The following PIK3CD variants were observed in gnomAD, a reference collection of about 807,000 sequenced individuals.
PIK3CD encodes phosphatidylinositol 4,5-bisphosphate 3-kinase catalytic subunit delta isoform.
A neutral mutation model predicts 122.9 loss-of-function variants in PIK3CD; 20 were observed. The ratio of observed to expected loss-of-function variants is 0.16; its 90% CI spans 0.11 to 0.24. The LOEUF (loss-of-function observed/expected upper bound fraction) is 0.24, where lower values mean the gene tolerates loss of function less well. PIK3CD is among the 10% of genes least tolerant of loss of function. The probability of loss-of-function intolerance (pLI) is 1.00; values close to 1 mark genes in which losing one functional copy is unlikely to be tolerated. For synonymous variants in PIK3CD, 596 were observed against 593.4 expected (o/e 1.00, Z -0.06); for missense variants, 787 against 1,406.3 (o/e 0.56, Z 7.04).
At chr1:9,669,991 T>C (rs1040678899) in intron 1 of PIK3CD, among the ~76,000 whole-genome samples, 1 of 151,960 alleles carries the variant, frequency 6.6e-6, no homozygotes, top group African/African-American at 2.4e-5. Flanking sequence ...CTGGCCAACA[T>C]GGTGAAACCC....
chr1:9,717,560 C>T lies in PIK3CD; in HGVS notation c.954C>T (p.Ser318=). The T allele has an allele frequency of 6.2e-7, 1 of 1,614,082 alleles. No homozygotes were observed. Among genetic ancestry groups the T allele is most frequent in the South Asian group, 1.1e-5 (1 of 91,084 alleles). ...AGCCTTCCTCTGTGTCCCTGTGGTC[C>T]CTGGAGCAGCCGTTCCGCATCGAGC... The part of the protein sequence containing the change: ...AKKPSSVSLW[S]LEQPFRIELI... The change falls in exon 8 of 24, where the codon TCC becomes TCT. Residue 318 remains serine (S), a synonymous_variant. Coordinates refer to ENST00000377346, the MANE Select transcript of PIK3CD (RefSeq NM_005026.5). The surrounding 1 kb of genome is among the most constrained non-coding windows in gnomAD (Gnocchi z 5.4).
At chr1:9,633,469 A>G in the PIK3CD span, among the ~76,000 whole-genome samples, 1 of 151,920 alleles carries the variant, frequency 6.6e-6, no homozygotes, top group African/African-American at 2.4e-5. Flanking sequence ...CACCACGCCC[A>G]GCTAATTTTT....
the PIK3CD span, among the ~76,000 whole-genome samples, chr1:9,629,858 C>T: frequency 3.3e-5 from 5 of 152,010 alleles, no homozygotes; most frequent in South Asian, 4.1e-4. Context: ...TCTGCACCCT[C>T]GCTCTCCACT....
intron 15 of PIK3CD, 51 bp downstream of exon 15, chr1:9,721,638 C>T: frequency 6.2e-7 from 1 of 1,610,576 alleles, no homozygotes; most frequent in Non-Finnish European, 8.5e-7. Context: ...CCCTGAGTCT[C>T]CCTGGAAGGC....
intron 1 of PIK3CD, among the ~76,000 whole-genome samples, chr1:9,681,972 A>G (rs1645772522): frequency 1.3e-5 from 2 of 152,318 alleles, no homozygotes; most frequent in East Asian, 1.9e-4. Context: ...TGGACCAGCT[A>G]TGAGTTCTCT....
rs569024188 is a variant in PIK3CD, at chr1:9,664,210, G to A, written c.-138+12408G>A. Among the ~76,000 whole-genome samples the A allele has an allele frequency of 2.2e-4, 34 of 151,972 alleles. No homozygotes were observed. The East Asian group carries it at 3.7e-3, about 16-fold the overall frequency. On this transcript the variant is annotated intron_variant, in intron 1 of 23. Coordinates refer to ENST00000377346, the MANE Select transcript of PIK3CD (RefSeq NM_005026.5). ...ACTACAGGCAGACATCACCATGCTC[G>A]GCTAATTTGTGTATTTTTAGTAGAG...
At chr1:9,666,858 T>G (rs918430858) in intron 1 of PIK3CD, among the ~76,000 whole-genome samples, 3 of 149,822 alleles carry the variant, frequency 2.0e-5, no homozygotes, top group African/African-American at 7.4e-5. Flanking sequence ...TGCGCCACCA[T>G]GCCTGCTATT....
the PIK3CD span, among the ~76,000 whole-genome samples, chr1:9,638,528 T>G: frequency 9.2e-5 from 14 of 151,632 alleles, no homozygotes; most frequent in Middle Eastern, 3.2e-3. Flanking sequence ...GTCAGGAGAT[T>G]GAGACCATCC....
At chr1:9,716,837 A>AG in intron 6 of PIK3CD, 122 bp from the exon 7 acceptor site, 1 of 1,404,430 alleles carries the variant, frequency 7.1e-7, no homozygotes, top group Non-Finnish European at 1.0e-6. Context: ...ACCAGCAGGA[A>AG]GCCCTCCCCT....
chr1:9,719,906 C>T lies in PIK3CD; in HGVS notation c.1243-15C>T. On this transcript the variant is annotated splice_polypyrimidine_tract_variant and intron_variant, in intron 9 of 23. Coordinates refer to ENST00000377346, the MANE Select transcript of PIK3CD (RefSeq NM_005026.5). The surrounding 1 kb of genome is among the most constrained non-coding windows in gnomAD (Gnocchi z 5.5). Reference sequence around the variant, plus strand: ...CCCCTGAGTGGCTGTCCTCACCTGCCCTGTCCTTCTGCAGGACTGCCCCAT... The same window carrying T: ...CCCCTGAGTGGCTGTCCTCACCTGCTCTGTCCTTCTGCAGGACTGCCCCAT... 5 of 1,610,132 alleles carry T rather than the reference C, an allele frequency of 3.1e-6. No individual in the cohort carries two copies. In the Admixed American group the frequency reaches 5.0e-5, roughly 16 times the overall value.
rs941244302 is a variant in PIK3CD at position 9,715,438 on chromosome 1, G to A, written c.142-103G>A. 3.1e-6 allele frequency: 3 copies of A among 980,586 alleles called. No homozygotes were observed. Among genetic ancestry groups the A allele is most frequent in the Admixed American group, 3.9e-5 (2 of 50,788 alleles). 60.7% of individuals were successfully genotyped at this position (980,586 alleles called of 1,614,324 possible). On this transcript the variant is annotated intron_variant, in intron 3 of 23. Coordinates refer to ENST00000377346, the MANE Select transcript of PIK3CD (RefSeq NM_005026.5). The surrounding 1 kb of genome is among the most constrained non-coding windows in gnomAD (Gnocchi z 4.1). ...GGGGTCTGCCTCTGCCCTCTGGGAG[G>A]TTTGGACCCCCAGGCTGGAGGCCAG...
At chr1:9,696,250 G>C (rs575318282) in intron 2 of PIK3CD, among the ~76,000 whole-genome samples, 10 of 152,130 alleles carry the variant, frequency 6.6e-5, no homozygotes, top group African/African-American at 1.2e-4. Flanking sequence ...AGGATTACAG[G>C]TGTGAGCCAT....
chr1:9,631,304 T>A, the PIK3CD span, among the ~76,000 whole-genome samples: 1 of 152,166 alleles, frequency 6.6e-6, no homozygotes, highest in Admixed American at 6.5e-5. Context: ...TGGCTAGTGG[T>A]CAAGTGTGAA....
rs781246610 is a variant in PIK3CD at position 9,723,534 on chromosome 1, G to A, written c.2594+242G>A. Among the ~76,000 whole-genome samples, 5 of 152,176 alleles carry A rather than the reference G, an allele frequency of 3.3e-5. No individual in the cohort carries two copies. The highest frequency in any genetic ancestry group is 1.2e-4 in the African/African-American group (5 of 41,430). ...AGGGCTTTAAAAAACAGCCATTTAC[G>A]ATTGGCTCACAGATCTGCAGCTGGG... On this transcript the variant is annotated intron_variant, in intron 20 of 23. Transcript: ENST00000377346. This position sits in a 1 kb window ranked among gnomAD's most constrained non-coding sequence, Gnocchi z 4.9.
At position 9,704,980 on chromosome 1, in the gene PIK3CD, G is replaced by C. The variant is rs775226310; in HGVS notation, c.-32-5444G>C. ...TCAGGGCAGCTGGGGTCCAGCTGACGGTGAGGCCTGGGCCCAGCCGGCGCT... is the reference window on the plus strand; with the variant it reads ...TCAGGGCAGCTGGGGTCCAGCTGACCGTGAGGCCTGGGCCCAGCCGGCGCT... On this transcript the variant is annotated intron_variant, in intron 2 of 23. Transcript: ENST00000377346. This position sits in a 1 kb window ranked among gnomAD's most constrained non-coding sequence, Gnocchi z 5.0. Among the ~76,000 whole-genome samples, 3 of 152,200 alleles carry C rather than the reference G, an allele frequency of 2.0e-5. No individual in the cohort carries two copies. The highest frequency in any genetic ancestry group is 4.4e-5 in the Non-Finnish European group (3 of 68,040).
the PIK3CD span, among the ~76,000 whole-genome samples, chr1:9,634,350 C>T: frequency 3.3e-5 from 5 of 151,890 alleles, no homozygotes; most frequent in South Asian, 2.1e-4. Flanking sequence ...TTAGTAGACA[C>T]GGGGTTTCAC....
rs1235618656 is a variant in PIK3CD at position 9,719,099 on chromosome 1, T to TCTGGGCTC, written c.1242+196_1242+203dup. On this transcript the variant is annotated intron_variant, in intron 9 of 23. Transcript: ENST00000377346. This position sits in a 1 kb window ranked among gnomAD's most constrained non-coding sequence, Gnocchi z 5.5. ...GCCACCAGCCCTGCTCGAGGGACAC[T>TCTGGGCTC]CTGGGCTCCTGGGCTCCTGTGCATG... 6.6e-6 allele frequency among the ~76,000 whole-genome samples: 1 copy of TCTGGGCTC among 152,218 alleles called. No individual in the cohort carries two copies. The highest frequency in any genetic ancestry group is 1.5e-5 in the Non-Finnish European group (1 of 68,030).
chr1:9,634,504 G>T, the PIK3CD span, among the ~76,000 whole-genome samples: 2 of 151,912 alleles, frequency 1.3e-5, no homozygotes, highest in Non-Finnish European at 2.9e-5. Context: ...TCGCCATGTT[G>T]CCCAGGCTGG....
At position 9,689,614 on chromosome 1, in the gene PIK3CD, C is replaced by T. The variant is rs1256008912; in HGVS notation, c.-137-1853C>T. On this transcript the variant is annotated intron_variant, in intron 1 of 23. Transcript: ENST00000377346. This position sits in a 1 kb window ranked among gnomAD's most constrained non-coding sequence, Gnocchi z 6.1. The stretch of plus-strand genomic sequence containing the variant: ...CCCTCCGGCCCCCGCCGGCCCCGCG[C>T]CGCTGCCCGGAGGCTGGCGTCTTCC... 6.6e-6 allele frequency among the ~76,000 whole-genome samples: 1 copy of T among 151,158 alleles called. No individual in the cohort carries two copies. Among genetic ancestry groups the T allele is most frequent in the African/African-American group, 2.4e-5 (1 of 41,300 alleles).
Sources: allele counts gnomAD v4.1 joint callset (sites outside exome capture counted in the v4.1 genomes callset), GRCh38; gene constraint gnomAD v4.1.1; non-coding constraint Gnocchi (gnomAD v3.1); transcripts MANE v1.5; gene names NCBI Gene and HGNC (gene_info 2026-07-23, HGNC 2026-07-21).